The following CPED1 variants were observed in gnomAD, a reference collection of about 807,000 sequenced individuals.
CPED1 encodes cadherin like and PC-esterase domain containing 1, also known as cadherin-like and PC-esterase domain-containing protein 1.
In CPED1, 114 loss-of-function variants were observed where a neutral mutation model predicts 128.2. The ratio of observed to expected loss-of-function variants is 0.89; its 90% CI spans 0.76 to 1.04. The LOEUF is 1.04. Among genes scored for constraint, CPED1 ranks in the 50% least tolerant of loss-of-function variants. The probability of loss-of-function intolerance (pLI) is 0.00; values close to 1 mark genes in which losing one functional copy is unlikely to be tolerated. For synonymous variants in CPED1, 462 were observed against 426.7 expected (o/e 1.08, Z -1.02); for missense variants, 1,211 against 1,207.1 (o/e 1.00, Z -0.05).
At chr7:121,099,282 C>T (rs559809790) in intron 6 of CPED1, among the ~76,000 whole-genome samples, 3 of 152,040 alleles carry the variant, frequency 2.0e-5, no homozygotes, top group South Asian at 2.1e-4. Context: ...TCTGAGGTCA[C>T]GGGTACTGTA....
chr7:121,135,630 A>G (rs1273363088), intron 13 of CPED1, among the ~76,000 whole-genome samples: 1 of 152,062 alleles, frequency 6.6e-6, no homozygotes, highest in East Asian at 1.9e-4. Context: ...TGTTTCATAA[A>G]TATGTATTAA....
chr7:121,095,537 A>G (rs1401714684), intron 5 of CPED1, among the ~76,000 whole-genome samples: 1 of 151,918 alleles, frequency 6.6e-6, no homozygotes, highest in Non-Finnish European at 1.5e-5. Context: ...GGAATAATAT[A>G]ATTGGAAGCC....
intron 18 of CPED1, chr7:121,261,634 G>T (rs771894957): frequency 6.2e-7 from 1 of 1,610,416 alleles, no homozygotes; most frequent in African/African-American, 1.3e-5. Context: ...TCCTTCAGTT[G>T]GGTGTCGATG....
intron 22 of CPED1, among the ~76,000 whole-genome samples, chr7:121,292,985 G>A (rs533859344): frequency 1.6e-3 from 245 of 152,248 alleles, no homozygotes; most frequent in African/African-American, 5.7e-3. Context: ...TCCCAGTCAC[G>A]AGGCACGGGG....
Position 121,097,859 on chromosome 7 carries a change from A to G in CPED1, c.749+28A>G, listed in dbSNP as rs769637029. 4 of 1,612,146 alleles carry G rather than the reference A, an allele frequency of 2.5e-6. No individual in the cohort carries two copies. In the Admixed American group the frequency reaches 5.0e-5, roughly 20 times the overall value. Reference sequence around the variant, plus strand: ...AAGCTAATCATTTTGAATTGTTATAACCAGCATGCATTGTAGGAGACAGCT... The same window carrying G: ...AAGCTAATCATTTTGAATTGTTATAGCCAGCATGCATTGTAGGAGACAGCT... On this transcript the variant is annotated intron_variant, in intron 6 of 22. Transcript: ENST00000310396.
chr7:121,287,536 C>A (rs1027540084), intron 22 of CPED1, among the ~76,000 whole-genome samples: 1 of 152,142 alleles, frequency 6.6e-6, no homozygotes, highest in Non-Finnish European at 1.5e-5. Context: ...ATGGTAGATT[C>A]AAATCATAAT....
At chr7:121,077,863 A>C (rs182487147) in intron 5 of CPED1, among the ~76,000 whole-genome samples, 5 of 151,960 alleles carry the variant, frequency 3.3e-5, no homozygotes. Context: ...AAATTTTTAT[A>C]TAATCAAATT....
At chr7:121,174,245 T>G (rs1796724633) in intron 16 of CPED1, among the ~76,000 whole-genome samples, 3 of 152,148 alleles carry the variant, frequency 2.0e-5, no homozygotes, top group Non-Finnish European at 4.4e-5. Context: ...ATTTGTCAAT[T>G]TTTGCTTTTG....
In CPED1 at chr7:121,251,294, T is replaced by C. The variant is rs966708558; in HGVS notation, c.2310+6956T>C. Among the ~76,000 whole-genome samples, 31 of 152,152 alleles carry C rather than the reference T, an allele frequency of 2.0e-4. 2 individuals are homozygous for C. Among genetic ancestry groups the C allele is most frequent in the Non-Finnish European group, 2.9e-5 (2 of 68,034 alleles). ...TTCATGCTAAAAACTCTCAATAAAT[T>C]AGGTATTGATGGGACGTATCTCAAA... On this transcript the variant is annotated intron_variant, in intron 18 of 22. Coordinates refer to ENST00000310396, the MANE Select transcript of CPED1 (RefSeq NM_024913.5).
intron 16 of CPED1, among the ~76,000 whole-genome samples, chr7:121,229,196 T>A (rs1798083534): frequency 6.6e-6 from 1 of 152,024 alleles, no homozygotes. Context: ...ACCTCATAAA[T>A]CTGTACAAAT....
chr7:121,081,199 T>C (rs902288868), intron 5 of CPED1, among the ~76,000 whole-genome samples: 1 of 152,164 alleles, frequency 6.6e-6, no homozygotes, highest in Admixed American at 6.6e-5. Context: ...TGTTGAAAAA[T>C]ATATTGATAA....
chr7:121,060,448 G>C (rs1793629821), intron 4 of CPED1, among the ~76,000 whole-genome samples: 3 of 152,240 alleles, frequency 2.0e-5, no homozygotes. Context: ...CTCAGGGATT[G>C]TAAATACACC....
chr7:121,133,872 G>T lies in CPED1; in HGVS notation c.1627G>T (p.Asp543Tyr). 6.3e-7 allele frequency: 1 copy of T among 1,588,642 alleles called. No homozygotes were observed. Among genetic ancestry groups the T allele is most frequent in the Non-Finnish European group, 8.6e-7 (1 of 1,162,392 alleles). Residue 543 changes from aspartate (D) to tyrosine (Y), a missense_variant, in exon 13 of 23, where the codon GAT (aspartate) becomes TAT (tyrosine). Coordinates refer to ENST00000310396, the MANE Select transcript of CPED1 (RefSeq NM_024913.5). ...KNIEKPQVPFDAIENKKAAVP... is the reference protein window; with the variant it reads ...KNIEKPQVPFYAIENKKAAVP... ...CATTGAAAAACCACAAGTGCCATTT[G>T]ATGCAATAGAAAATAAAAAAGGTAA...
At chr7:121,090,162 T>C (rs1163433763) in intron 5 of CPED1, among the ~76,000 whole-genome samples, 2 of 152,138 alleles carry the variant, frequency 1.3e-5, no homozygotes, top group African/African-American at 2.4e-5. Context: ...AGAAGAGCGT[T>C]CATGGCTTGC....
At chr7:121,199,430 A>C (rs959326080) in intron 16 of CPED1, among the ~76,000 whole-genome samples, 7 of 152,068 alleles carry the variant, frequency 4.6e-5, no homozygotes, top group Non-Finnish European at 1.0e-4. Context: ...CTATAATCCC[A>C]GCACGTTGGG....
intron 22 of CPED1, among the ~76,000 whole-genome samples, chr7:121,293,182 A>T (rs556281766): frequency 2.0e-5 from 3 of 152,314 alleles, no homozygotes; most frequent in African/African-American, 7.2e-5. Flanking sequence ...TAAGCCCCTG[A>T]CTAGGGCTGC....
chr7:121,084,679 C>A (rs1344611420), intron 5 of CPED1, among the ~76,000 whole-genome samples: 1 of 152,200 alleles, frequency 6.6e-6, no homozygotes, highest in Non-Finnish European at 1.5e-5. Context: ...ATGAGTAAAA[C>A]TGAGTTTATA....
chr7:121,114,904 C>T lies in CPED1; in HGVS notation c.919-9427C>T, dbSNP rs113861055. Among the ~76,000 whole-genome samples the T allele has an allele frequency of 3.7e-3, 571 of 152,282 alleles. 3 individuals are homozygous for T. Among genetic ancestry groups the T allele is most frequent in the Non-Finnish European group, 4.5e-3 (304 of 68,026 alleles). Reference sequence around the variant, plus strand: ...TGTTTACTGTGTGCATAAACGTATGCGCATGCATAATCGTCTGTTGATTAA... The same window carrying T: ...TGTTTACTGTGTGCATAAACGTATGTGCATGCATAATCGTCTGTTGATTAA... On this transcript the variant is annotated intron_variant, in intron 7 of 22. Coordinates refer to ENST00000310396, the MANE Select transcript of CPED1 (RefSeq NM_024913.5).
chr7:120,993,466 C>G lies in CPED1; in HGVS notation c.249+3596C>G, dbSNP rs1341586633. Among the ~76,000 whole-genome samples, 4 of 152,172 alleles carry G rather than the reference C, an allele frequency of 2.6e-5. No individual in the cohort carries two copies. In the East Asian group the frequency reaches 7.7e-4, roughly 29 times the overall value. ...TTGACCCTCCCTTCTCTTTAAATGACCATTCTATATGACATCTACTTTCTC... is the reference window on the plus strand; with the variant it reads ...TTGACCCTCCCTTCTCTTTAAATGAGCATTCTATATGACATCTACTTTCTC... On this transcript the variant is annotated intron_variant, in intron 2 of 22. Transcript: ENST00000310396.
Sources: allele counts gnomAD v4.1 joint callset (sites outside exome capture counted in the v4.1 genomes callset), GRCh38; gene constraint gnomAD v4.1.1; transcripts MANE v1.5; gene names NCBI Gene and HGNC (gene_info 2026-07-23, HGNC 2026-07-21).